The following CAMTA1 variants were observed in gnomAD, a reference collection of about 807,000 sequenced individuals.
CAMTA1 encodes calmodulin binding transcription activator 1.
Under a neutral mutation model 170.9 loss-of-function variants are expected in CAMTA1, and 27 were observed. The ratio of observed to expected loss-of-function variants is 0.16; its 90% CI spans 0.12 to 0.22. CAMTA1 has a LOEUF of 0.22. CAMTA1 is among the 10% of genes least tolerant of loss of function. The pLI is 1.00. For synonymous variants in CAMTA1, 833 were observed against 891.5 expected (o/e 0.93, Z 1.17); for missense variants, 1,619 against 2,217.2 (o/e 0.73, Z 5.42).
intron 11 of CAMTA1, among the ~76,000 whole-genome samples, chr1:7,728,286 C>T (rs969173101): frequency 6.6e-5 from 10 of 152,184 alleles, no homozygotes; most frequent in African/African-American, 2.2e-4. Context: ...CCGTGCTTGG[C>T]GGGGGGATGG....
At chr1:6,867,157 A>G (rs1386066694) in intron 3 of CAMTA1, among the ~76,000 whole-genome samples, 1 of 152,218 alleles carries the variant, frequency 6.6e-6, no homozygotes, top group Admixed American at 6.5e-5. Flanking sequence ...TTACCATACT[A>G]TGATAATGAG....
At chr1:7,436,980 C>T (rs2092369203) in intron 5 of CAMTA1, among the ~76,000 whole-genome samples, 1 of 152,100 alleles carries the variant, frequency 6.6e-6, no homozygotes, top group Non-Finnish European at 1.5e-5. Context: ...GGCACAGCGG[C>T]ATTGCAGGAG....
Position 7,685,118 on chromosome 1 carries a change from C to T in CAMTA1, c.2914+7385C>T, listed in dbSNP as rs953657202. 2.0e-5 allele frequency among the ~76,000 whole-genome samples: 3 copies of T among 151,800 alleles called. No homozygotes were observed. Among genetic ancestry groups the T allele is most frequent in the Non-Finnish European group, 2.9e-5 (2 of 67,942 alleles). On this transcript the variant is annotated intron_variant, in intron 11 of 22. Transcript: ENST00000303635. The surrounding 1 kb of genome is among the most constrained non-coding windows in gnomAD (Gnocchi z 5.7). ...TGAGGAGTTCGCAGGCACCGTCCTGCGGTCACAGGTGGTGTGTTTTGAGGA... is the reference window on the plus strand; with the variant it reads ...TGAGGAGTTCGCAGGCACCGTCCTGTGGTCACAGGTGGTGTGTTTTGAGGA...
chr1:7,337,804 G>A (rs942721770), intron 5 of CAMTA1, among the ~76,000 whole-genome samples: 3 of 152,148 alleles, frequency 2.0e-5, no homozygotes, highest in Non-Finnish European at 2.9e-5. Flanking sequence ...ACCTAGAAGC[G>A]CTGCCTGAGT....
rs916793558 is a variant in CAMTA1 at position 7,769,349 on chromosome 1, T to C, written c.*2858T>C. Reference sequence around the variant, plus strand: ...CTAATCTTATTCTATCTCCTGAAGATTTAATTGCTATTGTTACCCATTCGA... The same window carrying C: ...CTAATCTTATTCTATCTCCTGAAGACTTAATTGCTATTGTTACCCATTCGA... On this transcript the variant is annotated 3_prime_UTR_variant, in exon 23 of 23. Coordinates refer to ENST00000303635, the MANE Select transcript of CAMTA1 (RefSeq NM_015215.4). The C allele has an allele frequency of 4.6e-5, 7 of 152,794 alleles. No homozygotes were observed. Among genetic ancestry groups the C allele is most frequent in the African/African-American group, 1.7e-4 (7 of 41,466 alleles). The allele number at this position is 152,794 out of a possible 1,614,324, so 9.5% of individuals were successfully genotyped here.
chr1:7,758,640 A>G (rs546526062), intron 22 of CAMTA1, among the ~76,000 whole-genome samples: 1 of 152,314 alleles, frequency 6.6e-6, no homozygotes, highest in East Asian at 1.9e-4. Context: ...GTTAAGATAA[A>G]ATACTTATTT....
At chr1:7,360,189 C>T (rs1437550608) in intron 5 of CAMTA1, among the ~76,000 whole-genome samples, 1 of 152,184 alleles carries the variant, frequency 6.6e-6, no homozygotes, top group African/African-American at 2.4e-5. Flanking sequence ...TCTTTAAAGA[C>T]TGTCTCCAAA....
chr1:7,346,849 T>C (rs938362336), intron 5 of CAMTA1, among the ~76,000 whole-genome samples: 2 of 152,152 alleles, frequency 1.3e-5, no homozygotes, highest in African/African-American at 4.8e-5. Flanking sequence ...GTTGGGCTCC[T>C]TCCCCCTAGT....
intron 3 of CAMTA1, among the ~76,000 whole-genome samples, chr1:6,968,625 A>G (rs1691990865): frequency 6.6e-6 from 1 of 152,026 alleles, no homozygotes; most frequent in African/African-American, 2.4e-5. Context: ...TCGGAAGCAC[A>G]AGGGGTTACT....
Position 7,651,385 on chromosome 1 carries a change from G to A in CAMTA1, c.665-10341G>A, listed in dbSNP as rs185446688. 1.4e-3 allele frequency among the ~76,000 whole-genome samples: 217 copies of A among 152,304 alleles called. 1 individual carries two copies. The highest frequency in any genetic ancestry group is 4.7e-3 in the African/African-American group (196 of 41,576). ...CCAAGCGTCGATTCCAGCAGGTGCC[G>A]CCTGTACAGTTACCATGGTGACCAA... On this transcript the variant is annotated intron_variant, in intron 7 of 22. Coordinates refer to ENST00000303635, the MANE Select transcript of CAMTA1 (RefSeq NM_015215.4).
rs1414786970 is a variant in CAMTA1 at position 7,482,774 on chromosome 1, C to G, written c.510+14873C>G. 1.3e-5 allele frequency among the ~76,000 whole-genome samples: 2 copies of G among 152,168 alleles called. No individual in the cohort carries two copies. The highest frequency in any genetic ancestry group is 4.8e-5 in the African/African-American group (2 of 41,426). On this transcript the variant is annotated intron_variant, in intron 6 of 22. Transcript: ENST00000303635. The surrounding 1 kb of genome is among the most constrained non-coding windows in gnomAD (Gnocchi z 4.2). ...TGTCGGTTCCAAAGAAATGAGCTCCCATGGGGTCTCATTTTGCCCTATCTG... is the reference window on the plus strand; with the variant it reads ...TGTCGGTTCCAAAGAAATGAGCTCCGATGGGGTCTCATTTTGCCCTATCTG...
intron 3 of CAMTA1, among the ~76,000 whole-genome samples, chr1:6,855,277 A>G (rs982883336): frequency 1.3e-5 from 2 of 152,064 alleles, no homozygotes; most frequent in Non-Finnish European, 2.9e-5. Flanking sequence ...TCATAGGGCT[A>G]TAAAGAAATA....
At chr1:7,030,008 G>C (rs1702572712) in intron 3 of CAMTA1, among the ~76,000 whole-genome samples, 1 of 152,152 alleles carries the variant, frequency 6.6e-6, no homozygotes. Flanking sequence ...TTGGTATGTT[G>C]AAACAAATGA....
intron 3 of CAMTA1, among the ~76,000 whole-genome samples, chr1:6,898,173 G>T (rs1489814291): frequency 6.6e-6 from 1 of 152,004 alleles, no homozygotes; most frequent in East Asian, 1.9e-4. Context: ...AAATTGTAAT[G>T]TGTCCTGATT....
intron 5 of CAMTA1, among the ~76,000 whole-genome samples, chr1:7,392,868 T>TCGAC (rs1385379116): frequency 1.2e-4 from 18 of 151,278 alleles, no homozygotes; most frequent in Admixed American, 5.3e-4. Context: ...AGACTCTGTC[T>TCGAC]CGATCAATCA....
chr1:6,808,738 A>T (rs896791918), intron 1 of CAMTA1, among the ~76,000 whole-genome samples: 25 of 152,340 alleles, frequency 1.6e-4, no homozygotes, highest in African/African-American at 6.0e-4. Flanking sequence ...TGAATGAATG[A>T]ATGAATGAAT....
At chr1:6,809,760 C>T (rs535858934) in intron 1 of CAMTA1, among the ~76,000 whole-genome samples, 2 of 151,820 alleles carry the variant, frequency 1.3e-5, no homozygotes, top group Non-Finnish European at 1.5e-5. Context: ...AAAGAATGGT[C>T]GGAGAGGTAA....
chr1:7,466,557 G>A (rs566949328), intron 5 of CAMTA1, among the ~76,000 whole-genome samples: 2 of 152,310 alleles, frequency 1.3e-5, no homozygotes, highest in African/African-American at 4.8e-5. Context: ...CTTTAAAGCA[G>A]AGCTGGTGGC....
chr1:7,611,132 A>T (rs932996279), intron 6 of CAMTA1, among the ~76,000 whole-genome samples: 1 of 152,006 alleles, frequency 6.6e-6, no homozygotes, highest in African/African-American at 2.4e-5. Context: ...GCGCGGGGCC[A>T]TGCAGAAGAG....
Sources: allele counts gnomAD v4.1 joint callset (sites outside exome capture counted in the v4.1 genomes callset), GRCh38; gene constraint gnomAD v4.1.1; non-coding constraint Gnocchi (gnomAD v3.1); transcripts MANE v1.5; gene names NCBI Gene and HGNC (gene_info 2026-07-23, HGNC 2026-07-21).